Variants in ABCG2 observed in about 807,000 individuals in gnomAD.
ABCG2 encodes ATP binding cassette subfamily G member 2 (JR blood group).
ABCG2 carries 80 observed loss-of-function variants against 73.5 expected under a neutral mutation model. The ratio of observed to expected loss-of-function variants is 1.09; its 90% CI spans 0.91 to 1.31. The LOEUF is 1.31. Ranked by LOEUF, ABCG2 falls within the 50% of genes most tolerant of loss-of-function variation. The pLI is 0.00. For synonymous variants in ABCG2, 269 were observed against 282.4 expected (o/e 0.95, Z 0.48); for missense variants, 796 against 786.2 (o/e 1.01, Z -0.15).
At chr4:88,117,821 C>CTGAGCTTTTAATAA (rs1723696853) in intron 7 of ABCG2, among the ~76,000 whole-genome samples, 1 of 152,154 alleles carries the variant, frequency 6.6e-6, no homozygotes, top group African/African-American at 2.4e-5. Flanking sequence ...ATATTAATTA[C>CTGAGCTTTTAATAA]TGAGCTTTTA....
chr4:88,207,411 T>G (rs1048162606), intron 1 of ABCG2, among the ~76,000 whole-genome samples: 2 of 152,152 alleles, frequency 1.3e-5, no homozygotes, highest in African/African-American at 4.8e-5. Context: ...CTAGTCTCCT[T>G]TTTAACTGAA....
intron 1 of ABCG2, among the ~76,000 whole-genome samples, chr4:88,177,841 G>A (rs968831469): frequency 2.0e-5 from 3 of 152,078 alleles, no homozygotes; most frequent in Non-Finnish European, 4.4e-5. Flanking sequence ...AAGAACACAG[G>A]GCAGAATCAA....
chr4:88,140,758 C>T (rs2725252), intron 1 of ABCG2, among the ~76,000 whole-genome samples: 4 of 151,856 alleles, frequency 2.6e-5, no homozygotes, highest in African/African-American at 9.7e-5. Context: ...GACTTTATGT[C>T]GGAAGTTGTT....
At chr4:88,223,383 G>T (rs570447798) in intron 1 of ABCG2, among the ~76,000 whole-genome samples, 2 of 152,288 alleles carry the variant, frequency 1.3e-5, no homozygotes, top group African/African-American at 4.8e-5. Context: ...GACCCAGTGG[G>T]AGGTAATTGA....
At chr4:88,100,594 G>A (rs1722338144) in intron 11 of ABCG2, among the ~76,000 whole-genome samples, 1 of 151,312 alleles carries the variant, frequency 6.6e-6, no homozygotes. Flanking sequence ...AGGCAGCAAT[G>A]AGCCATGATC....
chr4:88,114,954 T>A lies in ABCG2; in HGVS notation c.943+3A>T. The stretch of plus-strand genomic sequence containing the variant: ...AATCTGGGACTGTAACAGATTCATA[T>A]ACCTTTAAAGTCTTCTTCTCTGTTT... On this transcript the variant is annotated splice_donor_region_variant and intron_variant, in intron 8 of 15. Transcript: ENST00000237612. 1 of 1,597,924 alleles carries A rather than the reference T, an allele frequency of 6.3e-7. No homozygotes were observed. The highest frequency in any genetic ancestry group is 8.6e-7 in the Non-Finnish European group (1 of 1,167,056).
chr4:88,212,892 T>C (rs572863185), intron 1 of ABCG2, among the ~76,000 whole-genome samples: 52 of 152,282 alleles, frequency 3.4e-4, no homozygotes, highest in African/African-American at 1.2e-3. Flanking sequence ...TTATTTGATT[T>C]TGTGTTTGAA....
chr4:88,143,867 G>GTTT (rs1331704353), intron 1 of ABCG2, among the ~76,000 whole-genome samples: 2 of 152,040 alleles, frequency 1.3e-5, no homozygotes, highest in Non-Finnish European at 2.9e-5. Context: ...AAAAAACATA[G>GTTT]TAAGGATTAA....
intron 8 of ABCG2, 141 bp from the exon 9 acceptor site, chr4:88,113,694 G>T: frequency 1.8e-6 from 2 of 1,117,538 alleles, no homozygotes; most frequent in Non-Finnish European, 2.5e-6. Context: ...CAGGCACGGC[G>T]GCTCATGACT....
chr4:88,139,820 A>G lies in ABCG2; in HGVS notation c.176T>C (p.Val59Ala). 2.5e-6 allele frequency: 4 copies of G among 1,614,064 alleles called. No individual in the cohort carries two copies. The highest frequency in any genetic ancestry group is 3.4e-6 in the Non-Finnish European group (4 of 1,179,982). Residue 59 changes from valine (V) to alanine (A), a missense_variant, in exon 2 of 16, where the codon GTT (valine) becomes GCT (alanine). Val to Ala is a moderately conservative substitution (Grantham distance 64). Transcript: ENST00000237612. ...KSGFLPCRKP[V>A]EKEILSNING... The stretch of plus-strand genomic sequence containing the variant: ...GATATTCGATAATATTTCTTTCTCA[A>G]CTGGTTTTCGACAAGGTAGAAAGCC...
At chr4:88,122,946 G>A (rs1255438615) in intron 5 of ABCG2, among the ~76,000 whole-genome samples, 5 of 152,128 alleles carry the variant, frequency 3.3e-5, no homozygotes, top group Non-Finnish European at 7.3e-5. Context: ...GCCCCTCTGG[G>A]AACAAAGCTT....
chr4:88,143,260 A>G (rs1725764466), intron 1 of ABCG2, among the ~76,000 whole-genome samples: 1 of 152,096 alleles, frequency 6.6e-6, no homozygotes, highest in South Asian at 2.1e-4. Context: ...TGGACTTCAC[A>G]CCTTTACTTC....
In ABCG2 at chr4:88,091,002, G is replaced by A. The variant is rs1235506292; in HGVS notation, c.*1232C>T. The A allele has an allele frequency of 6.6e-6, 1 of 152,190 alleles. No homozygotes were observed. Among genetic ancestry groups the A allele is most frequent in the Admixed American group, 6.5e-5 (1 of 15,274 alleles). 9.4% of individuals were successfully genotyped at this position (152,190 alleles called of 1,614,324 possible). A position where few individuals can be genotyped will look rare whatever the true frequency, so the allele number is the denominator to read the frequency against. On this transcript the variant is annotated 3_prime_UTR_variant, in exon 16 of 16. Coordinates refer to ENST00000237612, the MANE Select transcript of ABCG2 (RefSeq NM_004827.3). ...TATTAAAAAGTGGGGAGATAATTAA[G>A]TATCAACCTATGCACACAGAAACAC...
chr4:88,152,408 C>T (rs1413434060), intron 1 of ABCG2, among the ~76,000 whole-genome samples: 1 of 151,976 alleles, frequency 6.6e-6, no homozygotes, highest in African/African-American at 2.4e-5. Context: ...TGCAGGCGGG[C>T]TGAGTCCGAA....
chr4:88,143,653 G>A (rs1725785610), intron 1 of ABCG2, among the ~76,000 whole-genome samples: 1 of 152,112 alleles, frequency 6.6e-6, no homozygotes, highest in Admixed American at 6.5e-5. Context: ...ACATTACTCA[G>A]GAGCTGTTTC....
intron 8 of ABCG2, 81 bp downstream of exon 8, chr4:88,114,876 A>G: frequency 2.3e-6 from 2 of 885,700 alleles, no homozygotes; most frequent in Admixed American, 4.5e-5. Context: ...TCACAAAGCC[A>G]CATTTTAATT....
chr4:88,132,619 C>T lies in ABCG2; in HGVS notation c.220G>A (p.Gly74Ser), dbSNP rs1397059546. 3.1e-6 allele frequency: 5 copies of T among 1,614,040 alleles called. No homozygotes were observed. Among genetic ancestry groups the T allele is most frequent in the Non-Finnish European group, 2.5e-6 (3 of 1,180,026 alleles). ...GTGGGTCCCAGGATGGCGTTGAGAC[C>T]AGGTTTCATGATCCCACTGTAAACA... The part of the protein sequence containing the change: ...LSNINGIMKP[G>S]LNAILGPTGG... The change falls in exon 3 of 16, where the codon GGT (glycine) becomes AGT (serine). Residue 74 changes from glycine (G) to serine (S), a missense_variant. Gly to Ser is a moderately conservative substitution (Grantham distance 56, BLOSUM62 0). Transcript: ENST00000237612.
At chr4:88,160,783 A>G (rs1240600485), upstream of ABCG2, among the ~76,000 whole-genome samples, 4 of 141,698 alleles carry the variant, frequency 2.8e-5, no homozygotes, top group East Asian at 8.8e-4. Flanking sequence ...AGGGAGGCAG[A>G]GGCTGCAGTG....
At chr4:88,219,977 T>C (rs921280532) in intron 1 of ABCG2, among the ~76,000 whole-genome samples, 2 of 152,136 alleles carry the variant, frequency 1.3e-5, no homozygotes, top group Non-Finnish European at 2.9e-5. Context: ...AACTGAAACT[T>C]CTTGCCCATT....
Sources: gnomAD v4.1 joint callset for allele counts (sites outside exome capture counted in the v4.1 genomes callset) on GRCh38, gnomAD v4.1.1 for gene constraint, MANE v1.5 for transcripts, NCBI Gene and HGNC (gene_info 2026-07-23, HGNC 2026-07-21) for gene names.